KCNK10: variants seen among roughly 807,000 people sequenced by gnomAD.
KCNK10 encodes the protein potassium two pore domain channel subfamily K member 10.
Under a neutral mutation model 47.7 loss-of-function variants are expected in KCNK10, and 25 were observed. The observed-to-expected ratio is 0.52, with a 90% CI of 0.38 to 0.73. The LOEUF (loss-of-function observed/expected upper bound fraction) is 0.73. KCNK10 is among the 30% of genes least tolerant of loss of function. The probability of loss-of-function intolerance (pLI) is 0.00; values close to 1 mark genes in which losing one functional copy is unlikely to be tolerated. For missense variants in KCNK10, 563 were observed against 714.5 expected (o/e 0.79, Z 2.42); for synonymous variants, 303 against 285.6 (o/e 1.06, Z -0.61).
At chr14:88,246,192 G>A (rs2139897482) in intron 2 of KCNK10, among the ~76,000 whole-genome samples, 1 of 151,616 alleles carries the variant, frequency 6.6e-6, no homozygotes, top group Middle Eastern at 3.5e-3. Flanking sequence ...GAACCAGGGA[G>A]GCTGAGCTTG....
intron 3 of KCNK10, among the ~76,000 whole-genome samples, chr14:88,239,229 TCAAAGCACAATAAAG>T (rs1171101129): frequency 6.6e-6 from 1 of 151,954 alleles, no homozygotes; most frequent in Non-Finnish European, 1.5e-5. Context: ...CTCAACATCT[TCAAAGCACAATAAAG>T]CAAAGCACAA....
chr14:88,202,966 A>G (rs1054530951), intron 4 of KCNK10, among the ~76,000 whole-genome samples: 4 of 152,186 alleles, frequency 2.6e-5, no homozygotes, highest in Non-Finnish European at 5.9e-5. Context: ...TGGGGTGGGC[A>G]TGGAAGGTAA....
chr14:88,236,921 G>A (rs930564390), intron 3 of KCNK10, among the ~76,000 whole-genome samples: 2 of 152,236 alleles, frequency 1.3e-5, no homozygotes, highest in Non-Finnish European at 2.9e-5. Flanking sequence ...GACTGTTGAA[G>A]GCTGGGGTGG....
chr14:88,276,137 C>T (rs893855575), intron 1 of KCNK10, among the ~76,000 whole-genome samples: 1 of 151,904 alleles, frequency 6.6e-6, no homozygotes, highest in Non-Finnish European at 1.5e-5. Context: ...ATTTTTGTGT[C>T]CCCCAAAATT....
intron 1 of KCNK10, among the ~76,000 whole-genome samples, chr14:88,298,677 C>T (rs1189630503): frequency 6.6e-6 from 1 of 152,220 alleles, no homozygotes; most frequent in Non-Finnish European, 1.5e-5. Flanking sequence ...ACCCAGATTG[C>T]TGCAGTTTCT....
intron 4 of KCNK10, among the ~76,000 whole-genome samples, chr14:88,212,624 T>C (rs1211043481): frequency 6.6e-6 from 1 of 152,160 alleles, no homozygotes; most frequent in Non-Finnish European, 1.5e-5. Flanking sequence ...AAGGATTCAC[T>C]GATCCTTTAA....
intron 2 of KCNK10, among the ~76,000 whole-genome samples, chr14:88,243,116 T>C (rs1161526151): frequency 6.6e-6 from 1 of 152,246 alleles, no homozygotes; most frequent in East Asian, 1.9e-4. Flanking sequence ...TTTCTTGAAT[T>C]ATGCAATTCA....
In KCNK10 at chr14:88,181,093, C is replaced by G. The variant is rs1884330278; in HGVS notation, c.*4442G>C. 3.7e-5 allele frequency: 13 copies of G among 348,672 alleles called. No individual in the cohort carries two copies. In the South Asian group the frequency reaches 2.0e-3, roughly 53 times the overall value. 21.6% of individuals were successfully genotyped at this position (348,672 alleles called of 1,614,324 possible). On this transcript the variant is annotated 3_prime_UTR_variant, in exon 7 of 7. Transcript: ENST00000319231. Reference sequence around the variant, plus strand: ...GGCTGGTTTTTCCTTTCTCGTTTTACAGGGGCTCTGAATGTTTGTTTTCCT... The same window carrying G: ...GGCTGGTTTTTCCTTTCTCGTTTTAGAGGGGCTCTGAATGTTTGTTTTCCT...
intron 1 of KCNK10, among the ~76,000 whole-genome samples, chr14:88,266,467 C>T (rs575616945): frequency 1.3e-5 from 2 of 152,304 alleles, no homozygotes; most frequent in African/African-American, 4.8e-5. Flanking sequence ...GCCCAGCGTG[C>T]TGATCTTCCC....
intron 4 of KCNK10, among the ~76,000 whole-genome samples, chr14:88,202,841 G>A (rs900787515): frequency 6.6e-6 from 1 of 152,234 alleles, no homozygotes; most frequent in Non-Finnish European, 1.5e-5. Context: ...CCAAGAGGAA[G>A]AGACTAGATG....
chr14:88,200,556 G>A (rs577560963), intron 4 of KCNK10, among the ~76,000 whole-genome samples: 1 of 152,312 alleles, frequency 6.6e-6, no homozygotes, highest in East Asian at 1.9e-4. Context: ...AGATAAGAAG[G>A]AAATACAGCT....
chr14:88,272,480 A>T (rs1349570729), intron 1 of KCNK10, among the ~76,000 whole-genome samples: 1 of 152,018 alleles, frequency 6.6e-6, no homozygotes, highest in Non-Finnish European at 1.5e-5. Context: ...CGGAACAGCA[A>T]TGGGGGGGCA....
chr14:88,206,189 C>CT (rs1885269420), intron 4 of KCNK10, among the ~76,000 whole-genome samples: 1 of 152,158 alleles, frequency 6.6e-6, no homozygotes, highest in African/African-American at 2.4e-5. Context: ...TGGGAGCCCC[C>CT]TGGAAGCTCT....
chr14:88,289,351 C>T (rs1044474625), intron 1 of KCNK10, among the ~76,000 whole-genome samples: 3 of 152,160 alleles, frequency 2.0e-5, no homozygotes, highest in Non-Finnish European at 4.4e-5. Context: ...TGAAGCAGGG[C>T]CCCATTAGTG....
intron 1 of KCNK10, among the ~76,000 whole-genome samples, chr14:88,277,859 C>A (rs1887559805): frequency 6.6e-6 from 1 of 152,186 alleles, no homozygotes; most frequent in African/African-American, 2.4e-5. Context: ...CCCCAAAATA[C>A]CTTTTCTCAT....
chr14:88,230,379 C>T (rs887548092), intron 3 of KCNK10, among the ~76,000 whole-genome samples: 16 of 152,188 alleles, frequency 1.1e-4, no homozygotes, highest in Non-Finnish European at 1.6e-4. Context: ...CTGTAATGAA[C>T]GCACAGCACC....
In KCNK10 at chr14:88,181,612, AG is replaced by A. The variant is rs1403067666; in HGVS notation, c.*3922del. The stretch of plus-strand genomic sequence containing the variant: ...GGTGACAGTACACTAAAGAGCTATA[AG>A]GGAGGATAGAGAGAGCCTACACAGG... On this transcript the variant is annotated 3_prime_UTR_variant, in exon 7 of 7. Coordinates refer to ENST00000319231, the MANE Select transcript of KCNK10 (RefSeq NM_138317.3). The A allele has an allele frequency of 6.6e-5, 10 of 152,348 alleles. No homozygotes were observed. The highest frequency in any genetic ancestry group is 1.0e-4 in the Non-Finnish European group (7 of 68,016). The allele number at this position is 152,348 out of a possible 1,614,324, so 9.4% of individuals were successfully genotyped here. A position where few individuals can be genotyped will look rare whatever the true frequency, so the allele number is the denominator to read the frequency against.
Position 88,260,334 on chromosome 14 carries a change from G to A in KCNK10, c.402+2868C>T, listed in dbSNP as rs573112100. On this transcript the variant is annotated intron_variant, in intron 2 of 6. Transcript: ENST00000319231. The surrounding 1 kb of genome is among the most constrained non-coding windows in gnomAD (Gnocchi z 4.5). ...TATAGGACATGCCTGCCTCCCCTTC[G>A]TCTTCTGCCATGATTGTAAGTTTCC... is the stretch of plus-strand genomic sequence containing the variant. Among the ~76,000 whole-genome samples, 3 of 152,188 alleles carry A rather than the reference G, an allele frequency of 2.0e-5. No homozygotes were observed. The highest frequency in any genetic ancestry group is 2.1e-4 in the South Asian group (1 of 4,818).
chr14:88,240,323 G>A (rs1024856166), intron 3 of KCNK10, among the ~76,000 whole-genome samples: 11 of 152,106 alleles, frequency 7.2e-5, no homozygotes, highest in Admixed American at 2.0e-4. Flanking sequence ...AAGGTGAGAC[G>A]GTCAGAATGT....
Sources: gnomAD v4.1 joint callset for allele counts (sites outside exome capture counted in the v4.1 genomes callset) on GRCh38, gnomAD v4.1.1 for gene constraint, Gnocchi (gnomAD v3.1) non-coding constraint, MANE v1.5 for transcripts, NCBI Gene and HGNC (gene_info 2026-07-23, HGNC 2026-07-21) for gene names.